Variants in KITLG observed in about 807,000 individuals in gnomAD.
KITLG encodes the protein KIT ligand.
In KITLG, 13 loss-of-function variants were observed where a neutral mutation model predicts 34.1. The ratio of observed to expected loss-of-function variants is 0.38; its 90% confidence interval spans 0.25 to 0.61. The LOEUF is 0.61. KITLG is among the 20% of genes least tolerant of loss of function. The probability of loss-of-function intolerance (pLI) is 0.60; values close to 1 mark genes in which losing one functional copy is unlikely to be tolerated. For synonymous variants in KITLG, 110 were observed against 104.0 expected (o/e 1.06, Z -0.35); for missense variants, 292 against 318.9 (o/e 0.92, Z 0.64).
At chr12:88,557,059 G>C (rs1045719491) in intron 1 of KITLG, among the ~76,000 whole-genome samples, 2 of 152,160 alleles carry the variant, frequency 1.3e-5, no homozygotes, top group Non-Finnish European at 2.9e-5. Context: ...AGAAAGAAGA[G>C]AGTGAGTGAT....
At chr12:88,517,102 T>C (rs151285934) in intron 4 of KITLG, among the ~76,000 whole-genome samples, 2 of 152,054 alleles carry the variant, frequency 1.3e-5, no homozygotes, top group Middle Eastern at 3.4e-3. Flanking sequence ...AATATCTGTA[T>C]CACTTATGTC....
chr12:88,573,198 G>A (rs899387786), intron 1 of KITLG, among the ~76,000 whole-genome samples: 1 of 152,096 alleles, frequency 6.6e-6, no homozygotes, highest in African/African-American at 2.4e-5. Flanking sequence ...CTAGAGTTCT[G>A]CAGTGAACAT....
chr12:88,526,816 G>A (rs1050254370), intron 3 of KITLG, among the ~76,000 whole-genome samples: 1 of 150,354 alleles, frequency 6.7e-6, no homozygotes, highest in East Asian at 2.0e-4. Context: ...TAACGATAAC[G>A]ATAAAGGACT....
Position 88,545,799 on chromosome 12 carries a change from T to A in KITLG, c.82A>T (p.Ile28Phe), listed in dbSNP as rs571220010. ...TTATTAGTCACACGATTCCTGCAGATCCCTTCAGTTTTGACGAGAGGATTA... is the reference window on the plus strand; with the variant it reads ...TTATTAGTCACACGATTCCTGCAGAACCCTTCAGTTTTGACGAGAGGATTA... ...LFNPLVKTEG[I>F]CRNRVTNNVK... The change falls in exon 2 of 10, where the codon ATC (isoleucine) becomes TTC (phenylalanine). Residue 28 changes from isoleucine (I) to phenylalanine (F), a missense_variant. Ile to Phe is a conservative substitution (Grantham distance 21). This residue lies in a region of KITLG where 152 missense variants were observed against 207.9 expected (regional missense o/e 0.73). Coordinates refer to ENST00000644744, the MANE Select transcript of KITLG (RefSeq NM_000899.5). 23 of 1,611,724 alleles carry A rather than the reference T, an allele frequency of 1.4e-5. No individual in the cohort carries two copies. In the South Asian group the frequency reaches 2.5e-4, roughly 18 times the overall value.
rs545076613 is a variant in KITLG, at chr12:88,538,626, T to C, written c.130-6123A>G. ...GGAATTTGAATATACATTAAATGTT[T>C]ACATGCAAACTGGAAACTAGAAAAG... On this transcript the variant is annotated intron_variant, in intron 2 of 9. Coordinates refer to ENST00000644744, the MANE Select transcript of KITLG (RefSeq NM_000899.5). Among the ~76,000 whole-genome samples the C allele has an allele frequency of 2.6e-5, 4 of 152,208 alleles. No individual in the cohort carries two copies. The South Asian group carries it at 6.2e-4, about 24-fold the overall frequency.
chr12:88,501,028 C>T (rs1391900261), intron 9 of KITLG, among the ~76,000 whole-genome samples: 1 of 152,146 alleles, frequency 6.6e-6, no homozygotes, highest in East Asian at 1.9e-4. Context: ...GATCCTCCCA[C>T]CTCAGCCCCC....
chr12:88,563,778 T>C (rs144702713), intron 1 of KITLG, among the ~76,000 whole-genome samples: 1 of 152,120 alleles, frequency 6.6e-6, no homozygotes, highest in African/African-American at 2.4e-5. Context: ...CTGGCCAACA[T>C]GGGGAAACCC....
At chr12:88,512,307 AAAGGTC>A (rs1869305355) in intron 6 of KITLG, among the ~76,000 whole-genome samples, 1 of 152,132 alleles carries the variant, frequency 6.6e-6, no homozygotes. Flanking sequence ...TGGCAGAACA[AAAGGTC>A]AATGAACTTG....
chr12:88,521,195 T>C (rs1210116783), intron 3 of KITLG, among the ~76,000 whole-genome samples: 1 of 152,184 alleles, frequency 6.6e-6, no homozygotes, highest in Non-Finnish European at 1.5e-5. Context: ...TTAAGATTCT[T>C]GAGTTTATTA....
chr12:88,525,830 G>A (rs1869843752), intron 3 of KITLG, among the ~76,000 whole-genome samples: 3 of 152,180 alleles, frequency 2.0e-5, no homozygotes, highest in Admixed American at 2.0e-4. Context: ...ACTCAGCACA[G>A]AGTAGCACCT....
At chr12:88,573,322 G>T (rs1871719416) in intron 1 of KITLG, among the ~76,000 whole-genome samples, 1 of 152,160 alleles carries the variant, frequency 6.6e-6, no homozygotes, top group Non-Finnish European at 1.5e-5. Flanking sequence ...AAGAATCTGT[G>T]TGTTTTCCCA....
chr12:88,563,675 A>G (rs192481545), intron 1 of KITLG, among the ~76,000 whole-genome samples: 2 of 152,306 alleles, frequency 1.3e-5, no homozygotes, highest in Admixed American at 1.3e-4. Context: ...AGAAAGGAAG[A>G]TGTGGCCGGG....
At chr12:88,577,233 G>T (rs1291158754) in intron 1 of KITLG, among the ~76,000 whole-genome samples, 1 of 152,118 alleles carries the variant, frequency 6.6e-6, no homozygotes, top group Non-Finnish European at 1.5e-5. Context: ...AGACATAAAA[G>T]AGATATTTTC....
intron 3 of KITLG, among the ~76,000 whole-genome samples, chr12:88,519,378 ACT>A (rs1266829945): frequency 2.6e-5 from 4 of 152,018 alleles, no homozygotes; most frequent in Non-Finnish European, 4.4e-5. Context: ...TTAAGTGGAA[ACT>A]CTGATGTATT....
chr12:88,579,634 G>A (rs1871944476), intron 1 of KITLG, among the ~76,000 whole-genome samples: 1 of 152,182 alleles, frequency 6.6e-6, no homozygotes, highest in East Asian at 1.9e-4. Flanking sequence ...GCATTGTGGA[G>A]GTACTAGAGC....
chr12:88,571,721 A>C lies in KITLG; in HGVS notation c.15+8543T>G, dbSNP rs1205553141. ...CTCTTTGAGGCAACTGCAATCATGAAATTTTTGTTGTCCAAATTCTATTAC... is the reference window on the plus strand; with the variant it reads ...CTCTTTGAGGCAACTGCAATCATGACATTTTTGTTGTCCAAATTCTATTAC... On this transcript the variant is annotated intron_variant, in intron 1 of 9. Transcript: ENST00000644744. Among the ~76,000 whole-genome samples the C allele has an allele frequency of 2.6e-5, 4 of 152,142 alleles. No individual in the cohort carries two copies. In the South Asian group the frequency reaches 8.3e-4, roughly 32 times the overall value.
chr12:88,537,148 C>T (rs1870350137), intron 2 of KITLG, among the ~76,000 whole-genome samples: 1 of 152,034 alleles, frequency 6.6e-6, no homozygotes, highest in Non-Finnish European at 1.5e-5. Flanking sequence ...CAAAATAAGT[C>T]CTTCTACCAA....
chr12:88,538,148 T>G (rs772821998), intron 2 of KITLG, among the ~76,000 whole-genome samples: 1 of 151,726 alleles, frequency 6.6e-6, no homozygotes, highest in Non-Finnish European at 1.5e-5. Flanking sequence ...TGCGAGGGAG[T>G]GGGACAGTCT....
At chr12:88,576,287 A>C (rs1871821544) in intron 1 of KITLG, among the ~76,000 whole-genome samples, 1 of 152,220 alleles carries the variant, frequency 6.6e-6, no homozygotes, top group African/African-American at 2.4e-5. Flanking sequence ...GATGTGTCTT[A>C]ATTATAGTCT....
Sources: gnomAD v4.1 joint callset for allele counts (sites outside exome capture counted in the v4.1 genomes callset) on GRCh38, gnomAD v4.1.1 for gene constraint, gnomAD v4.1.1 regional missense constraint, MANE v1.5 for transcripts, NCBI Gene and HGNC (gene_info 2026-07-23, HGNC 2026-07-21) for gene names.